Variants in SH3TC1 observed in about 807,000 individuals in gnomAD.
SH3TC1 encodes SH3 domain and tetratricopeptide repeats 1, also known as SH3 domain and tetratricopeptide repeat-containing protein 1.
SH3TC1 carries 135 observed loss-of-function variants against 117.3 expected under a neutral mutation model. The ratio of observed to expected loss-of-function variants is 1.15; its 90% CI spans 1.00 to 1.33. The LOEUF (loss-of-function observed/expected upper bound fraction) is 1.33. SH3TC1 is among the 40% of genes most tolerant of loss of function. The pLI, the probability that SH3TC1 is intolerant of heterozygous loss-of-function variation, is 0.00. For missense variants in SH3TC1, 2,092 were observed against 1,794.3 expected, an observed-to-expected ratio of 1.17 and a Z score of -3.00; for synonymous variants, 898 against 816.9, an observed-to-expected ratio of 1.10 and a Z score of -1.69.
In SH3TC1 at chr4:8,210,708, C is replaced by T. The variant is rs182015797; in HGVS notation, c.247+886C>T. Among the ~76,000 whole-genome samples, 34 of 129,268 alleles carry T rather than the reference C, an allele frequency of 2.6e-4. 1 individual carries two copies. Among genetic ancestry groups the T allele is most frequent in the East Asian group, 2.4e-3 (10 of 4,096 alleles). The allele number at this position is 129,268 out of a possible 152,430, so 84.8% of individuals were successfully genotyped here. ...AACCCAGGAGGCAGAGGTAGTGAGC[C>T]GAGATTGCGCCATTGCACTCCAGCC... On this transcript the variant is annotated intron_variant, in intron 3 of 17. Coordinates refer to ENST00000245105, the MANE Select transcript of SH3TC1 (RefSeq NM_018986.5). The surrounding 1 kb of genome is among the most constrained non-coding windows in gnomAD (Gnocchi z 4.1).
At position 8,210,093 on chromosome 4, in the gene SH3TC1, C is replaced by A. The variant is rs897075459; in HGVS notation, c.247+271C>A. ...GGTCCTGGGGGCTCCGTGGGTGACA[C>A]CCCAGGGAGGGGCTTCACAGGTGCC... On this transcript the variant is annotated intron_variant, in intron 3 of 17. Transcript: ENST00000245105. The surrounding 1 kb of genome is among the most constrained non-coding windows in gnomAD (Gnocchi z 4.1). Among the ~76,000 whole-genome samples, 5 of 152,164 alleles carry A rather than the reference C, an allele frequency of 3.3e-5. No homozygotes were observed. Among genetic ancestry groups the A allele is most frequent in the Admixed American group, 1.3e-4 (2 of 15,284 alleles).
At position 8,225,353 on chromosome 4, in the gene SH3TC1, G is replaced by C. The variant is rs1463526782; in HGVS notation, c.1285+137G>C. ...CTCTGTGGTGTGGGCTGGGGGCTTG[G>C]GGGAGGTTGCCTGAGGTGGGCCTGA... On this transcript the variant is annotated intron_variant, in intron 11 of 17. Coordinates refer to ENST00000245105, the MANE Select transcript of SH3TC1 (RefSeq NM_018986.5). This position sits in a 1 kb window ranked among gnomAD's most constrained non-coding sequence, Gnocchi z 5.5. 13 of 1,015,012 alleles carry C rather than the reference G, an allele frequency of 1.3e-5. No homozygotes were observed. The Admixed American group carries it at 2.6e-4, about 20-fold the overall frequency. 62.9% of individuals were successfully genotyped at this position (1,015,012 alleles called of 1,614,324 possible). A position where few individuals can be genotyped will look rare whatever the true frequency, so the allele number is the denominator to read the frequency against.
rs573964820 is a variant in SH3TC1, at chr4:8,206,970, C to A, written c.172+1604C>A. 1.3e-5 allele frequency among the ~76,000 whole-genome samples: 2 copies of A among 151,566 alleles called. No individual in the cohort carries two copies. Among genetic ancestry groups the A allele is most frequent in the African/African-American group, 2.4e-5 (1 of 41,188 alleles). ...AAACCAGTACATTCTCTTATATAAC[C>A]GCATTGTAATTATTTCAATGTTAAT... On this transcript the variant is annotated intron_variant, in intron 2 of 17. Transcript: ENST00000245105. The surrounding 1 kb of genome is among the most constrained non-coding windows in gnomAD (Gnocchi z 5.5).
chr4:8,190,888 T>C lies in SH3TC1; in HGVS notation c.-57+8678T>C, dbSNP rs1391458286. ...AACTCCTGGACTCAAGCGATCCTCC[T>C]GCCTCGGCCTCCTAAAGTGCTAGGA... On this transcript the variant is annotated intron_variant, in intron 1 of 16. Coordinates refer to the SH3TC1 transcript ENST00000508641. The surrounding 1 kb of genome is among the most constrained non-coding windows in gnomAD (Gnocchi z 4.7). 6.6e-6 allele frequency among the ~76,000 whole-genome samples: 1 copy of C among 152,052 alleles called. No individual in the cohort carries two copies. Among genetic ancestry groups the C allele is most frequent in the Non-Finnish European group, 1.5e-5 (1 of 67,972 alleles).
chr4:8,213,608 G>C (rs1718944306), intron 4 of SH3TC1, among the ~76,000 whole-genome samples: 1 of 152,090 alleles, frequency 6.6e-6, no homozygotes, highest in Non-Finnish European at 1.5e-5. Flanking sequence ...ATAAGAAATG[G>C]GGCCTTCAGC....
At chr4:8,231,935 A>G (rs746683983) in intron 12 of SH3TC1, 41 bp from the exon 13 acceptor site, 3 of 1,601,346 alleles carry the variant, frequency 1.9e-6, no homozygotes, top group South Asian at 1.1e-5. Flanking sequence ...CCTCGCTTCA[A>G]TGCTGGGAGG....
rs1192924308 is a variant in SH3TC1, at chr4:8,206,630, A to G, written c.172+1264A>G. Among the ~76,000 whole-genome samples, 1 of 151,472 alleles carries G rather than the reference A, an allele frequency of 6.6e-6. No individual in the cohort carries two copies. Among genetic ancestry groups the G allele is most frequent in the Non-Finnish European group, 1.5e-5 (1 of 67,858 alleles). ...AATCTCTGTGGACCGAGCGGAGGGGAGCTGAGGAAACTTTCCCTGCTTGGC... is the reference window on the plus strand; with the variant it reads ...AATCTCTGTGGACCGAGCGGAGGGGGGCTGAGGAAACTTTCCCTGCTTGGC... On this transcript the variant is annotated intron_variant, in intron 2 of 17. Coordinates refer to ENST00000245105, the MANE Select transcript of SH3TC1 (RefSeq NM_018986.5). The surrounding 1 kb of genome is among the most constrained non-coding windows in gnomAD (Gnocchi z 5.5).
At chr4:8,185,120 G>A (rs1340977263) in intron 1 of SH3TC1, among the ~76,000 whole-genome samples, 2 of 151,498 alleles carry the variant, frequency 1.3e-5, no homozygotes, top group Non-Finnish European at 2.9e-5. Flanking sequence ...TGGATCACTT[G>A]AGGTCAGGAG....
chr4:8,206,791 T>C lies in SH3TC1; in HGVS notation c.172+1425T>C, dbSNP rs1220028894. 6.6e-5 allele frequency among the ~76,000 whole-genome samples: 10 copies of C among 152,114 alleles called. No individual in the cohort carries two copies. Among genetic ancestry groups the C allele is most frequent in the African/African-American group, 2.4e-5 (1 of 41,426 alleles). ...TCCATTTGCCCATACCCAGGTTCCC[T>C]GAATGTTCGCATTTTAGGACTTTTA... On this transcript the variant is annotated intron_variant, in intron 2 of 17. Coordinates refer to ENST00000245105, the MANE Select transcript of SH3TC1 (RefSeq NM_018986.5). The surrounding 1 kb of genome is among the most constrained non-coding windows in gnomAD (Gnocchi z 5.5).
chr4:8,228,045 T>TGCGCGGCCCCCTCTACACC lies in SH3TC1; in HGVS notation c.2352_2370dup (p.Ser791AlafsTer100), dbSNP rs1260173471. On this transcript the variant is annotated frameshift_variant, in exon 12 of 18. Coordinates refer to ENST00000245105, the MANE Select transcript of SH3TC1 (RefSeq NM_018986.5). LOFTEE classifies it high-confidence loss of function. ...CTGACCCCGGGCACAGGCCAGGCGCTGCGCGGCCCCCTCTACACCAGCTTG... is the reference window on the plus strand; with the variant it reads ...CTGACCCCGGGCACAGGCCAGGCGCTGCGCGGCCCCCTCTACACCGCGCGGCCCCCTCTACACCAGCTTG... 1.2e-6 allele frequency: 2 copies of TGCGCGGCCCCCTCTACACC among 1,606,542 alleles called. No individual in the cohort carries two copies. The highest frequency in any genetic ancestry group is 1.3e-5 in the African/African-American group (1 of 74,846).
rs1235229762 is a variant in SH3TC1, at chr4:8,186,186, G to T, written c.-57+3976G>T. Among the ~76,000 whole-genome samples, 1 of 152,224 alleles carries T rather than the reference G, an allele frequency of 6.6e-6. No homozygotes were observed. The highest frequency in any genetic ancestry group is 6.5e-5 in the Admixed American group (1 of 15,284). ...GCTGCTGGCGGAGGGGCTGGGGCCA[G>T]CCTGACTCCGAACCAAGACCAGCAG... On this transcript the variant is annotated intron_variant, in intron 1 of 16. Transcript: ENST00000508641. The surrounding 1 kb of genome is among the most constrained non-coding windows in gnomAD (Gnocchi z 5.2).
rs555184032 is a variant in SH3TC1 at position 8,237,644 on chromosome 4, G to A, written c.3727G>A (p.Gly1243Ser). Residue 1243 changes from glycine (G) to serine (S), a missense_variant, in exon 17 of 18, where the codon GGT (glycine) becomes AGT (serine). Gly to Ser is a moderately conservative substitution (Grantham distance 56). Coordinates refer to ENST00000245105, the MANE Select transcript of SH3TC1 (RefSeq NM_018986.5). ...LYYVKVYLVL[G>S]DIIFYDLKDP... ...CTACGTGAAGGTGTACCTGGTGCTCGGTGACATCATCTTCTACGACCTGAA... is the reference window on the plus strand; with the variant it reads ...CTACGTGAAGGTGTACCTGGTGCTCAGTGACATCATCTTCTACGACCTGAA... The A allele has an allele frequency of 1.4e-4, 220 of 1,609,346 alleles. No individual in the cohort carries two copies. Among genetic ancestry groups the A allele is most frequent in the South Asian group, 1.8e-4 (16 of 90,306 alleles).
chr4:8,210,923 G>A lies in SH3TC1; in HGVS notation c.247+1101G>A, dbSNP rs1017596888. On this transcript the variant is annotated intron_variant, in intron 3 of 17. Coordinates refer to ENST00000245105, the MANE Select transcript of SH3TC1 (RefSeq NM_018986.5). The surrounding 1 kb of genome is among the most constrained non-coding windows in gnomAD (Gnocchi z 4.1). The stretch of plus-strand genomic sequence containing the variant: ...GTGTTTGCTCAAGGGTCCCCTAGCA[G>A]AAAACTCTCAGGCAGGTGCTTTAAG... 6.6e-6 allele frequency among the ~76,000 whole-genome samples: 1 copy of A among 151,782 alleles called. No individual in the cohort carries two copies. Among genetic ancestry groups the A allele is most frequent in the African/African-American group, 2.4e-5 (1 of 41,150 alleles).
chr4:8,212,721 G>C lies in SH3TC1; in HGVS notation c.268G>C (p.Ala90Pro), dbSNP rs745381976. ...TCCAGACCTGACCCTGCAGCTGCTGGCTGTGCGGAGGAAGAGCAGACTGCG... is the reference window on the plus strand; with the variant it reads ...TCCAGACCTGACCCTGCAGCTGCTGCCTGTGCGGAGGAAGAGCAGACTGCG... ...YPTDLTLQLL[A>P]VRRKSRLRDP... The change falls in exon 4 of 18, where the codon GCT (alanine) becomes CCT (proline). Residue 90 changes from alanine (A) to proline (P), a missense_variant. By Grantham distance (27) the Ala-to-Pro change is conservative. Transcript: ENST00000245105. 1 of 1,612,830 alleles carries C rather than the reference G, an allele frequency of 6.2e-7. No homozygotes were observed. The highest frequency in any genetic ancestry group is 1.3e-5 in the African/African-American group (1 of 74,930).
At chr4:8,228,735 T>C (rs755652088) in intron 12 of SH3TC1, 91 bp downstream of exon 12, 1 of 1,117,414 alleles carries the variant, frequency 8.9e-7, no homozygotes, top group Non-Finnish European at 1.2e-6. Context: ...GCGGTGGTTT[T>C]TCCACCATCG....
At chr4:8,188,346 G>A (rs879483275) in intron 1 of SH3TC1, among the ~76,000 whole-genome samples, 6 of 152,178 alleles carry the variant, frequency 3.9e-5, no homozygotes, top group African/African-American at 7.2e-5. Context: ...GCCCAGCATC[G>A]GGCAGGCAGG....
Position 8,228,639 on chromosome 4 carries a change from T to A in SH3TC1, c.2945T>A (p.Val982Glu). 6.7e-7 allele frequency: 1 copy of A among 1,497,102 alleles called. No individual in the cohort carries two copies. The highest frequency in any genetic ancestry group is 8.9e-7 in the Non-Finnish European group (1 of 1,124,812). 92.7% of individuals were successfully genotyped at this position (1,497,102 alleles called of 1,614,324 possible). The change falls in exon 12 of 18, where the codon GTG (valine) becomes GAG (glutamate). Residue 982 changes from valine to glutamate, a missense_variant. Coordinates refer to ENST00000245105, the MANE Select transcript of SH3TC1 (RefSeq NM_018986.5). ...ALLVAVEMGH[V>E]ESQLRAVQRL... ...CTGGTCGCCGTGGAGATGGGCCACG[T>A]GGAGAGTGAGTGCCCCAGTTCCTTC...
At position 8,227,990 on chromosome 4, in the gene SH3TC1, T is replaced by C; in HGVS notation, c.2296T>C (p.Ser766Pro). The C allele has an allele frequency of 1.9e-6, 3 of 1,612,174 alleles. No individual in the cohort carries two copies. Among genetic ancestry groups the C allele is most frequent in the Non-Finnish European group, 2.5e-6 (3 of 1,179,658 alleles). ...PQPHSLPAQT[S>P]HYLRQALASL... ...GCCCCACAGCCTCCCTGCCCAAACT[T>C]CCCACTACCTCAGGCAAGCGCTGGC... is the stretch of plus-strand genomic sequence containing the variant. Residue 766 changes from serine to proline, a missense_variant, in exon 12 of 18, where the codon TCC (serine) becomes CCC (proline). Physicochemically the swap from Ser to Pro is moderately conservative, Grantham distance 74. Transcript: ENST00000245105.
chr4:8,218,410 A>G, intron 8 of SH3TC1, 63 bp downstream of exon 8: 1 of 1,267,938 alleles, frequency 7.9e-7, no homozygotes, highest in Non-Finnish European at 1.1e-6. Context: ...CAGCACCAAC[A>G]TTTTGGAAGT....
Sources: gnomAD v4.1 joint callset for allele counts (sites outside exome capture counted in the v4.1 genomes callset) on GRCh38, gnomAD v4.1.1 for gene constraint, Gnocchi (gnomAD v3.1) non-coding constraint, MANE v1.5 for transcripts, NCBI Gene and HGNC (gene_info 2026-07-23, HGNC 2026-07-21) for gene names.